The following LRP1-AS variants were observed in gnomAD, a reference collection of about 807,000 sequenced individuals.
The protein encoded by LRP1-AS is LRP1 antisense RNA.
chr12:57,144,915 C>T (rs1200424007), exon 2 of LRP1-AS: 1 of 1,544,614 alleles, frequency 6.5e-7, no homozygotes, highest in Admixed American at 1.7e-5. Context: ...GATGATCACC[C>T]ACTTCGTTGC....
exon 2 of LRP1-AS, chr12:57,144,732 G>A: frequency 1.8e-6 from 1 of 547,086 alleles, no homozygotes; most frequent in Non-Finnish European, 3.3e-6. Flanking sequence ...CCCATAGTAG[G>A]GACTCAATAA....
chr12:57,147,196 C>T (rs944506808), intron 1 of LRP1-AS, among the ~76,000 whole-genome samples: 4 of 151,700 alleles, frequency 2.6e-5, no homozygotes, highest in Non-Finnish European at 5.9e-5. Context: ...GGGTTTCTCT[C>T]ATCCCAGCTT....
intron 1 of LRP1-AS, chr12:57,145,126 G>C (rs1220818561): frequency 6.2e-7 from 1 of 1,613,834 alleles, no homozygotes; most frequent in Admixed American, 1.7e-5. Context: ...TCTGGCCACA[G>C]TGCTAACTAA....
At chr12:57,146,489 C>G (rs1027048734) in intron 1 of LRP1-AS, 5 of 152,186 alleles carry the variant, frequency 3.3e-5, no homozygotes, top group African/African-American at 1.2e-4. Context: ...TTGGGCCTCT[C>G]TAGAAGATCT....
intron 1 of LRP1-AS, among the ~76,000 whole-genome samples, chr12:57,145,726 G>C (rs2035392376): frequency 6.6e-6 from 1 of 152,212 alleles, no homozygotes; most frequent in Admixed American, 6.5e-5. Flanking sequence ...CAAGGGCTGA[G>C]GGGGCAGTGA....
At chr12:57,144,943 T>G (rs1481488967) in exon 2 of LRP1-AS, 13 of 1,608,814 alleles carry the variant, frequency 8.1e-6, no homozygotes, top group Non-Finnish European at 1.0e-5. Flanking sequence ...ACACTGGAAA[T>G]GACCACATTC....
intron 1 of LRP1-AS, chr12:57,146,363 C>T (rs1468099368): frequency 6.6e-6 from 1 of 152,254 alleles, no homozygotes; most frequent in Non-Finnish European, 1.5e-5. Flanking sequence ...ATTCCCATCT[C>T]TGCCTTGGTT....
At chr12:57,147,053 G>T (rs2035424522) in intron 1 of LRP1-AS, among the ~76,000 whole-genome samples, 1 of 152,090 alleles carries the variant, frequency 6.6e-6, no homozygotes, top group South Asian at 2.1e-4. Flanking sequence ...TCCTCCCCAG[G>T]AGAAGCTGGT....
At chr12:57,144,678 T>C (rs1042358497) in exon 2 of LRP1-AS, 5 of 428,484 alleles carry the variant, frequency 1.2e-5, no homozygotes, top group Non-Finnish European at 2.1e-5. Flanking sequence ...AGGACAGCAA[T>C]GTGGGTCTAT....
At chr12:57,144,761 A>G in exon 2 of LRP1-AS, 1 of 585,216 alleles carries the variant, frequency 1.7e-6, no homozygotes, top group South Asian at 2.0e-5. Flanking sequence ...TGCGTGGATG[A>G]GTGATATGTA....
rs185280440 is a variant in LRP1-AS, at chr12:57,144,741, A to T, written n.524T>A. 183 of 559,556 alleles carry T rather than the reference A, an allele frequency of 3.3e-4. 1 individual carries two copies. The Admixed American group carries it at 5.6e-3, about 17-fold the overall frequency. The allele number at this position is 559,556 out of a possible 1,614,324, so 34.7% of individuals were successfully genotyped here. On this transcript the variant is annotated non_coding_transcript_exon_variant, in exon 2 of 2. Transcript: ENST00000555461. ...ACCTGACCCATAGTAGGGACTCAATAAATCTTCCCTGCGTGGATGAGTGAT... is the reference window on the plus strand; with the variant it reads ...ACCTGACCCATAGTAGGGACTCAATTAATCTTCCCTGCGTGGATGAGTGAT...
exon 2 of LRP1-AS, chr12:57,145,063 C>T (rs1164647508): frequency 6.2e-7 from 1 of 1,614,066 alleles, no homozygotes; most frequent in South Asian, 1.1e-5. Context: ...AAGGATACCT[C>T]CTGCAGCCGG....
chr12:57,145,029 G>T, exon 2 of LRP1-AS: 3 of 1,614,050 alleles, frequency 1.9e-6, no homozygotes, highest in Non-Finnish European at 2.5e-6. Flanking sequence ...AACACAGACG[G>T]CTCCTTCATA....
At chr12:57,146,821 T>C (rs1179805959) in intron 1 of LRP1-AS, 1 of 152,396 alleles carries the variant, frequency 6.6e-6, no homozygotes, top group East Asian at 1.9e-4. Flanking sequence ...GGGAACCCCA[T>C]GGCTGATGGG....
Position 57,145,204 on chromosome 12 carries a change from A to C in LRP1-AS, n.182-121T>G, listed in dbSNP as rs1309206172. ...TGGTCCTAGAGCCCTGGCTGCACGG[A>C]CTCTTCTCTTCCCCATTCCCAGAGC... On this transcript the variant is annotated intron_variant and non_coding_transcript_variant, in intron 1 of 1. Transcript: ENST00000555461. 1.9e-6 allele frequency: 3 copies of C among 1,613,008 alleles called. No individual in the cohort carries two copies. The South Asian group carries it at 3.3e-5, about 18-fold the overall frequency.
exon 2 of LRP1-AS, chr12:57,145,041 G>A: frequency 6.2e-7 from 1 of 1,614,090 alleles, no homozygotes; most frequent in Non-Finnish European, 8.5e-7. Flanking sequence ...TCCTTCATAT[G>A]TGGCTGTGTT....
At chr12:57,146,016 T>C (rs772040437) in intron 1 of LRP1-AS, among the ~76,000 whole-genome samples, 16 of 152,266 alleles carry the variant, frequency 1.1e-4, no homozygotes, top group Non-Finnish European at 1.9e-4. Context: ...TTTGTGGCAG[T>C]GAATGAGGCT....
At chr12:57,146,732 A>G (rs1200653924) in intron 1 of LRP1-AS, 1 of 152,316 alleles carries the variant, frequency 6.6e-6, no homozygotes, top group Non-Finnish European at 1.5e-5. Context: ...ACCTGTGATC[A>G]GACATGTGTC....
At chr12:57,145,789 G>A (rs112343669) in intron 1 of LRP1-AS, among the ~76,000 whole-genome samples, 40 of 152,266 alleles carry the variant, frequency 2.6e-4, no homozygotes, top group Non-Finnish European at 4.9e-4. Context: ...GGGGAGTGTT[G>A]ACTAGACTGC....
Sources: gnomAD v4.1 joint callset for allele counts (sites outside exome capture counted in the v4.1 genomes callset) on GRCh38, gnomAD v4.1.1 for gene constraint, MANE v1.5 for transcripts, NCBI Gene and HGNC (gene_info 2026-07-23, HGNC 2026-07-21) for gene names.